DPP6: variants seen among roughly 807,000 people sequenced by gnomAD.
DPP6 encodes A-type potassium channel modulatory protein DPP6.
DPP6 carries 69 observed loss-of-function variants against 122.6 expected under a neutral mutation model. The observed-to-expected ratio is 0.56, with a 90% CI of 0.46 to 0.69. DPP6 has a LOEUF of 0.69. Ranked by LOEUF, DPP6 falls within the 30% of genes least tolerant of loss-of-function variation. The pLI, the probability that DPP6 is intolerant of heterozygous loss-of-function variation, is 0.00. For missense variants in DPP6, 928 were observed against 1,116.9 expected (o/e 0.83, Z 2.41); for synonymous variants, 418 against 433.1 (o/e 0.97, Z 0.43).
At chr7:154,336,502 G>A (rs1387781388) in intron 1 of DPP6, among the ~76,000 whole-genome samples, 2 of 152,162 alleles carry the variant, frequency 1.3e-5, no homozygotes, top group African/African-American at 2.4e-5. Context: ...ACCAGGTCCC[G>A]CAACACTGGT....
intron 1 of DPP6, among the ~76,000 whole-genome samples, chr7:154,044,349 G>A (rs541983425): frequency 6.6e-6 from 1 of 152,274 alleles, no homozygotes; most frequent in African/African-American, 2.4e-5. Context: ...CCCACAAGAA[G>A]CAGATACATG....
intron 1 of DPP6, among the ~76,000 whole-genome samples, chr7:154,402,719 G>A (rs1200611004): frequency 2.7e-5 from 4 of 150,156 alleles, no homozygotes; most frequent in Non-Finnish European, 1.5e-5. Flanking sequence ...TGCACAATGT[G>A]CACATGTACC....
chr7:154,285,224 C>G (rs1393806839), intron 1 of DPP6, among the ~76,000 whole-genome samples: 1 of 152,090 alleles, frequency 6.6e-6, no homozygotes, highest in African/African-American at 2.4e-5. Context: ...TGAATTAAAA[C>G]TGCTTTTTAC....
chr7:154,000,684 G>A (rs1253198835), intron 1 of DPP6, among the ~76,000 whole-genome samples: 1 of 152,072 alleles, frequency 6.6e-6, no homozygotes, highest in African/African-American at 2.4e-5. Flanking sequence ...TGGAATAAAA[G>A]AAGGAATACT....
At chr7:154,281,226 G>A (rs1457116246) in intron 1 of DPP6, among the ~76,000 whole-genome samples, 12 of 151,776 alleles carry the variant, frequency 7.9e-5, no homozygotes, top group Non-Finnish European at 1.5e-4. Context: ...TTGGCCAGGC[G>A]GCTCTTAAAC....
intron 6 of DPP6, among the ~76,000 whole-genome samples, chr7:154,662,276 T>A (rs75400318): frequency 0.075 from 11,230 of 149,020 alleles, no homozygotes; most frequent in East Asian, 0.14. Context: ...TCATGGTGAA[T>A]CAGCATGGCA....
At chr7:154,090,300 A>G (rs931670151) in intron 1 of DPP6, among the ~76,000 whole-genome samples, 97 of 152,306 alleles carry the variant, frequency 6.4e-4, no homozygotes, top group African/African-American at 1.1e-3. Context: ...AATTCACACA[A>G]TGAGCCAACT....
At chr7:154,182,303 G>T (rs1250043800) in intron 1 of DPP6, among the ~76,000 whole-genome samples, 1 of 152,184 alleles carries the variant, frequency 6.6e-6, no homozygotes, top group African/African-American at 2.4e-5. Flanking sequence ...ACAGCTCCAA[G>T]ATCTCCAGGG....
intron 1 of DPP6, among the ~76,000 whole-genome samples, chr7:154,427,937 G>T (rs1448078044): frequency 2.0e-5 from 3 of 152,216 alleles, no homozygotes; most frequent in African/African-American, 4.8e-5. Context: ...CAAGGCTTTT[G>T]TGTGAGTGGT....
rs1435547397 is a variant in DPP6, at chr7:154,669,423, C to A, written c.744C>A (p.Gly248=). Residue 248 remains glycine, a synonymous_variant, in exon 7 of 26, where the codon GGC becomes GGA. Transcript: ENST00000377770. ...CAAAACTTCAGTATGCAGGATGGGG[C>A]CCTAAAGGCCAACAGCTGGTAAGCC... ...SNAKLQYAGW[G]PKGQQLIFIF... is the part of the protein sequence containing the mutation. The A allele has an allele frequency of 6.4e-7, 1 of 1,554,724 alleles. No homozygotes were observed. Among genetic ancestry groups the A allele is most frequent in the Non-Finnish European group, 8.7e-7 (1 of 1,148,608 alleles).
chr7:154,500,784 G>A (rs952834585), intron 3 of DPP6, among the ~76,000 whole-genome samples: 5 of 152,196 alleles, frequency 3.3e-5, no homozygotes, highest in African/African-American at 4.8e-5. Flanking sequence ...TACCAGTAGA[G>A]TGGGGCACTG....
At chr7:154,588,362 T>C (rs1461516704) in intron 5 of DPP6, 6 of 462,654 alleles carry the variant, frequency 1.3e-5, no homozygotes, top group Non-Finnish European at 2.2e-5. Flanking sequence ...AGTGACAATG[T>C]GATGTTGGCC....
At chr7:154,363,653 G>C (rs1026152398) in intron 1 of DPP6, among the ~76,000 whole-genome samples, 2 of 152,112 alleles carry the variant, frequency 1.3e-5, no homozygotes, top group Non-Finnish European at 2.9e-5. Context: ...CTGGTGGTTT[G>C]CTTATTTGCT....
intron 1 of DPP6, among the ~76,000 whole-genome samples, chr7:154,129,938 T>C (rs938930233): frequency 2.0e-5 from 3 of 149,188 alleles, no homozygotes. Flanking sequence ...TAGCTGGGCA[T>C]GGTGACACAC....
At chr7:154,769,145 A>G (rs1796083249) in intron 8 of DPP6, among the ~76,000 whole-genome samples, 1 of 152,232 alleles carries the variant, frequency 6.6e-6, no homozygotes, top group African/African-American at 2.4e-5. Context: ...AAAGAAAAAA[A>G]AAGTGTTTCC....
At chr7:153,932,900 G>T (rs572107927) in intron 1 of DPP6, among the ~76,000 whole-genome samples, 1 of 152,286 alleles carries the variant, frequency 6.6e-6, no homozygotes, top group Non-Finnish European at 1.5e-5. Flanking sequence ...GCGGGACGTG[G>T]CGGGAGGTAT....
chr7:154,621,430 G>A (rs971942650), intron 5 of DPP6, among the ~76,000 whole-genome samples: 1 of 152,182 alleles, frequency 6.6e-6, no homozygotes, highest in Non-Finnish European at 1.5e-5. Context: ...GGGCAGTGGT[G>A]CAATCTCAGC....
At chr7:154,092,608 C>T (rs1184373973) in intron 1 of DPP6, 1 of 151,810 alleles carries the variant, frequency 6.6e-6, no homozygotes, top group Non-Finnish European at 1.5e-5. Context: ...GATGTTTTGT[C>T]CTTGCCATGC....
rs889832779 is a variant in DPP6 at position 154,794,594 on chromosome 7, C to T, written c.1260+392C>T. ...CCCCAGACCCCGCCGACAGCCTCCCCCAGCGGGCTCCAGGCGTGCGTCCCT... is the reference window on the plus strand; with the variant it reads ...CCCCAGACCCCGCCGACAGCCTCCCTCAGCGGGCTCCAGGCGTGCGTCCCT... On this transcript the variant is annotated intron_variant, in intron 11 of 25. Transcript: ENST00000377770. Among the ~76,000 whole-genome samples, 2 of 152,354 alleles carry T rather than the reference C, an allele frequency of 1.3e-5. 1 individual carries two copies. Among genetic ancestry groups the T allele is most frequent in the South Asian group, 4.1e-4 (2 of 4,826 alleles).
Sources: gnomAD v4.1 joint callset for allele counts (sites outside exome capture counted in the v4.1 genomes callset) on GRCh38, gnomAD v4.1.1 for gene constraint, MANE v1.5 for transcripts, NCBI Gene and HGNC (gene_info 2026-07-23, HGNC 2026-07-21) for gene names.